The following EYS variants were observed in gnomAD, a reference collection of about 807,000 sequenced individuals.
EYS encodes EGF-like photoreceptor maintenance factor.
A neutral mutation model predicts 282.1 loss-of-function variants in EYS; 250 were observed. The observed-to-expected ratio is 0.89, with a 90% CI of 0.80 to 0.98. The LOEUF (loss-of-function observed/expected upper bound fraction) is 0.98. EYS is among the 50% of genes least tolerant of loss of function. The pLI is 0.00. For missense variants in EYS, 4,016 were observed against 3,709.0 expected, an observed-to-expected ratio of 1.08 and a Z score of -2.15; for synonymous variants, 1,355 against 1,282.9, an observed-to-expected ratio of 1.06 and a Z score of -1.20.
chr6:64,943,273 C>CCCTGGAGGCAA, intron 15 of EYS, among the ~76,000 whole-genome samples: 1 of 152,180 alleles, frequency 6.6e-6, no homozygotes, highest in Non-Finnish European at 1.5e-5. Flanking sequence ...AGTCTACAAG[C>CCCTGGAGGCAA]ATTCCCCTGG....
intron 29 of EYS, among the ~76,000 whole-genome samples, chr6:64,360,959 C>G (rs569603524): frequency 6.6e-6 from 1 of 151,770 alleles, no homozygotes; most frequent in African/African-American, 2.4e-5. Context: ...TGATCCAGCC[C>G]TTTTGCAGCA....
intron 1 of EYS, among the ~76,000 whole-genome samples, chr6:65,697,391 A>C (rs1398146723): frequency 6.6e-6 from 1 of 152,058 alleles, no homozygotes; most frequent in Non-Finnish European, 1.5e-5. Context: ...CATGATCATC[A>C]AGGCTTGAGT....
chr6:64,358,665 T>C (rs998168854), intron 29 of EYS, among the ~76,000 whole-genome samples: 4 of 151,644 alleles, frequency 2.6e-5, no homozygotes, highest in Non-Finnish European at 4.4e-5. Context: ...ACACGGTTTA[T>C]GGCGTATGGC....
chr6:65,259,235 C>T (rs1364989691), intron 12 of EYS, among the ~76,000 whole-genome samples: 4 of 152,004 alleles, frequency 2.6e-5, no homozygotes, highest in African/African-American at 9.7e-5. Flanking sequence ...ATTAAAGAGT[C>T]ATTGCTCCAC....
chr6:64,021,999 T>C (rs983538128), intron 33 of EYS, among the ~76,000 whole-genome samples: 1 of 152,244 alleles, frequency 6.6e-6, no homozygotes, highest in African/African-American at 2.4e-5. Flanking sequence ...AAGTTTTCTA[T>C]TTTATGTAAC....
intron 30 of EYS, among the ~76,000 whole-genome samples, chr6:64,242,098 TG>T (rs1366723521): frequency 2.0e-5 from 3 of 152,134 alleles, no homozygotes; most frequent in Non-Finnish European, 4.4e-5. Context: ...GTGGTCAATT[TG>T]AGAATAAGTG....
At chr6:65,122,745 T>C (rs764088134) in intron 12 of EYS, among the ~76,000 whole-genome samples, 2 of 152,142 alleles carry the variant, frequency 1.3e-5, no homozygotes, top group African/African-American at 2.4e-5. Flanking sequence ...AAACTAAAAC[T>C]ATTTTCTGTT....
intron 14 of EYS, among the ~76,000 whole-genome samples, chr6:64,985,915 G>A (rs1253598751): frequency 6.6e-6 from 1 of 151,490 alleles, no homozygotes; most frequent in Admixed American, 6.6e-5. Flanking sequence ...CTGTCCAGCA[G>A]TCTGCTCTAC....
chr6:65,288,787 TA>T (rs1768441664), intron 12 of EYS, among the ~76,000 whole-genome samples: 1 of 151,156 alleles, frequency 6.6e-6, no homozygotes, highest in Non-Finnish European at 1.5e-5. Context: ...CATATGCACA[TA>T]TATGTGAAGG....
chr6:65,157,885 T>G (rs2150219565), intron 12 of EYS, among the ~76,000 whole-genome samples: 1 of 151,024 alleles, frequency 6.6e-6, no homozygotes, highest in African/African-American at 2.4e-5. Flanking sequence ...GGTACTGTTC[T>G]TGAGCCTATA....
intron 26 of EYS, among the ~76,000 whole-genome samples, chr6:64,443,933 G>C (rs1775036516): frequency 6.6e-6 from 1 of 152,172 alleles, no homozygotes; most frequent in East Asian, 1.9e-4. Context: ...GGATGCTCAA[G>C]ACATTTTTCT....
intron 19 of EYS, among the ~76,000 whole-genome samples, chr6:64,870,032 C>G (rs903434065): frequency 1.3e-5 from 2 of 151,448 alleles, no homozygotes; most frequent in Non-Finnish European, 3.0e-5. Flanking sequence ...TAAGTTAGAA[C>G]TGAAAGGATC....
At chr6:64,502,303 C>A (rs548265003) in intron 26 of EYS, among the ~76,000 whole-genome samples, 1 of 151,984 alleles carries the variant, frequency 6.6e-6, no homozygotes, top group Non-Finnish European at 1.5e-5. Context: ...CTCAGTGGCG[C>A]GATCTCGACT....
At chr6:65,625,595 G>T (rs555645338) in intron 2 of EYS, among the ~76,000 whole-genome samples, 5 of 152,318 alleles carry the variant, frequency 3.3e-5, no homozygotes, top group African/African-American at 1.2e-4. Flanking sequence ...AAGAGAGGTT[G>T]TGAAATAGTC....
chr6:64,172,049 A>G (rs143619844), intron 31 of EYS, among the ~76,000 whole-genome samples: 7 of 152,260 alleles, frequency 4.6e-5, no homozygotes, highest in Non-Finnish European at 7.3e-5. Context: ...TGAAAATTAG[A>G]ATAAGTTTTA....
At chr6:64,766,954 A>G (rs185297406) in intron 22 of EYS, among the ~76,000 whole-genome samples, 12 of 151,920 alleles carry the variant, frequency 7.9e-5, no homozygotes, top group African/African-American at 2.9e-4. Flanking sequence ...GAAGTCAATT[A>G]TTTTAAGTCT....
At chr6:65,701,890 T>A (rs529140366) in intron 1 of EYS, among the ~76,000 whole-genome samples, 103 of 152,336 alleles carry the variant, frequency 6.8e-4, no homozygotes, top group African/African-American at 2.2e-3. Flanking sequence ...TCATAAGGCA[T>A]TGAGTTGCAT....
At chr6:65,388,154 T>C (rs762048408) in intron 7 of EYS, among the ~76,000 whole-genome samples, 1 of 151,994 alleles carries the variant, frequency 6.6e-6, no homozygotes, top group African/African-American at 2.4e-5. Flanking sequence ...AGGAAGCAAA[T>C]AATTCAGATG....
chr6:65,207,208 A>G (rs1766058476), intron 12 of EYS, among the ~76,000 whole-genome samples: 2 of 151,940 alleles, frequency 1.3e-5, no homozygotes, highest in South Asian at 4.1e-4. Context: ...AAAAGTCAGT[A>G]GCATTTCCAT....
Sources: gnomAD v4.1 joint callset for allele counts (sites outside exome capture counted in the v4.1 genomes callset) on GRCh38, gnomAD v4.1.1 for gene constraint, MANE v1.5 for transcripts, NCBI Gene and HGNC (gene_info 2026-07-23, HGNC 2026-07-21) for gene names.